GALT: variants seen among roughly 807,000 people sequenced by gnomAD.
GALT encodes UDP-glucose--hexose-1-phosphate uridylyltransferase.
A neutral mutation model predicts 55.4 loss-of-function variants in GALT; 42 were observed. The observed-to-expected ratio is 0.76, with a 90% CI of 0.59 to 0.98. GALT has a LOEUF of 0.98. GALT is among the 50% of genes least tolerant of loss of function. GALT has a pLI of 0.00. For missense variants in GALT, 407 were observed against 495.7 expected (o/e 0.82, Z 1.70); for synonymous variants, 154 against 181.5 (o/e 0.85, Z 1.22).
intron 9 of GALT, 83 bp from the exon 10 acceptor site, chr9:34,649,326 AC>A (rs1205385669): frequency 6.4e-7 from 1 of 1,560,882 alleles, no homozygotes; most frequent in East Asian, 2.2e-5. Flanking sequence ...GTTTTCAGAT[AC>A]CTGGTTGGGT....
chr9:34,647,395 C>A lies in GALT; in HGVS notation c.253-97C>A. 6.4e-7 allele frequency: 1 copy of A among 1,567,988 alleles called. No individual in the cohort carries two copies. On this transcript the variant is annotated intron_variant, in intron 2 of 10. Transcript: ENST00000378842. This position sits in a 1 kb window ranked among gnomAD's most constrained non-coding sequence, Gnocchi z 5.6. ...AAGCTTTTTGGTCCCCTAGGGTGGG[C>A]CTTCCCTACTCCCTTGTAGCCTGTC...
Position 34,648,324 on chromosome 9 carries a change from C to T in GALT, c.565-10C>T, listed in dbSNP as rs778835377. 6.2e-7 allele frequency: 1 copy of T among 1,614,100 alleles called. No homozygotes were observed. The highest frequency in any genetic ancestry group is 8.5e-7 in the Non-Finnish European group (1 of 1,180,038). ...CCTGCCTGTTCTTCTCTGCTTTTGC[C>T]CCTTGACAGGTATGGGCCAGCAGTT... is the stretch of plus-strand genomic sequence containing the variant. On this transcript the variant is annotated splice_polypyrimidine_tract_variant and intron_variant, in intron 6 of 10. Transcript: ENST00000378842. The surrounding 1 kb of genome is among the most constrained non-coding windows in gnomAD (Gnocchi z 4.9).
Position 34,647,183 on chromosome 9 carries a change from C to T in GALT, c.177C>T (p.Pro59=). 1 of 1,614,168 alleles carries T rather than the reference C, an allele frequency of 6.2e-7. No homozygotes were observed. The highest frequency in any genetic ancestry group is 1.7e-5 in the Admixed American group (1 of 60,028). The change falls in exon 2 of 11, where the codon CCC becomes CCT. Residue 59 remains proline (P), a synonymous_variant. Coordinates refer to ENST00000378842, the MANE Select transcript of GALT (RefSeq NM_000155.4). The surrounding 1 kb of genome is among the most constrained non-coding windows in gnomAD (Gnocchi z 5.6). ...MKRPWQGQVE[P]QLLKTVPRHD... ...GGCCCTGGCAGGGTCAAGTGGAGCC[C>T]CAGCTTCTGAAGACAGTGCCCCGCC...
rs56121779 is a variant in GALT at position 34,650,282 on chromosome 9, C to CAAA, written c.1060-73_1060-71dup. ...TGGGCAACAGAGCAAGACCTCGTCT[C>CAAA]AAAAAAAAAAAAAAAATGAAGTCCA... On this transcript the variant is annotated intron_variant, in intron 10 of 10. Transcript: ENST00000378842. 760 of 577,460 alleles carry CAAA rather than the reference C, an allele frequency of 1.3e-3. 8 individuals carry two copies. Among genetic ancestry groups the CAAA allele is most frequent in the South Asian group, 1.5e-3 (79 of 53,010 alleles). The allele number at this position is 577,460 out of a possible 1,614,324, so 35.8% of individuals were successfully genotyped here. A position where few individuals can be genotyped will look rare whatever the true frequency, so the allele number is the denominator to read the frequency against.
At chr9:34,649,324 A>G in intron 9 of GALT, 86 bp from the exon 10 acceptor site, 1 of 1,557,698 alleles carries the variant, frequency 6.4e-7, no homozygotes, top group Non-Finnish European at 8.8e-7. Context: ...TAGTTTTCAG[A>G]TACCTGGTTG....
Position 34,647,929 on chromosome 9 carries a change from G to A in GALT, c.475G>A (p.Glu159Lys). ...AVVDAWASVT[E>K]ELGAQYPWVQ... ...TGTTGATGCATGGGCCTCAGTCACA[G>A]AGGAGCTGGGTGCCCAGTACCCTTG... Residue 159 changes from glutamate (E) to lysine (K), a missense_variant, in exon 5 of 11, where the codon GAG becomes AAG. Transcript: ENST00000378842. The surrounding 1 kb of genome is among the most constrained non-coding windows in gnomAD (Gnocchi z 5.6). The A allele has an allele frequency of 1.2e-6, 2 of 1,614,250 alleles. No homozygotes were observed. The highest frequency in any genetic ancestry group is 1.7e-6 in the Non-Finnish European group (2 of 1,180,052).
chr9:34,648,056 C>T lies in GALT; in HGVS notation c.508-59C>T, dbSNP rs1409863382. On this transcript the variant is annotated intron_variant, in intron 5 of 10. Transcript: ENST00000378842. The surrounding 1 kb of genome is among the most constrained non-coding windows in gnomAD (Gnocchi z 4.9). Reference sequence around the variant, plus strand: ...CATTTCTGTTTCCACAGGGTGTGGTCAGGAGGGAGTTGACTTGGTGTCTTT... The same window carrying T: ...CATTTCTGTTTCCACAGGGTGTGGTTAGGAGGGAGTTGACTTGGTGTCTTT... 8 of 1,613,978 alleles carry T rather than the reference C, an allele frequency of 5.0e-6. No individual in the cohort carries two copies. In the Admixed American group the frequency reaches 1.3e-4, roughly 27 times the overall value.
chr9:34,649,142 G>T lies in GALT; in HGVS notation c.904+61G>T, dbSNP rs189334654. 2.3e-3 allele frequency: 3,465 copies of T among 1,526,170 alleles called. 10 individuals are homozygous for T. Among genetic ancestry groups the T allele is most frequent in the Non-Finnish European group, 2.3e-3 (2,566 of 1,100,708 alleles). 94.5% of individuals were successfully genotyped at this position (1,526,170 alleles called of 1,614,324 possible). On this transcript the variant is annotated intron_variant, in intron 9 of 10. Transcript: ENST00000378842. Reference sequence around the variant, plus strand: ...ACCATTTCTGGGCTCCTGGGGCTCAGCCTAGTGAACTGCAACCTCAAAGGA... The same window carrying T: ...ACCATTTCTGGGCTCCTGGGGCTCATCCTAGTGAACTGCAACCTCAAAGGA...
In GALT at chr9:34,650,444, G is replaced by T. The variant is rs780064274; in HGVS notation, c.1135G>T (p.Ala379Ser). 3 of 1,613,790 alleles carry T rather than the reference G, an allele frequency of 1.9e-6. No homozygotes were observed. Among genetic ancestry groups the T allele is most frequent in the Non-Finnish European group, 2.5e-6 (3 of 1,179,954 alleles). ...GAAGGACAGGGAGACAGCAACCATC[G>T]CCTGACCACGCCGACCACAGGGCCT... ...GQKDRETATI[A>S] The change falls in exon 11 of 11, where the codon GCC (alanine) becomes TCC (serine). Residue 379 changes from alanine (A) to serine (S), a missense_variant. By Grantham distance (99) the Ala-to-Ser change is moderately conservative. Coordinates refer to ENST00000378842, the MANE Select transcript of GALT (RefSeq NM_000155.4).
In GALT at chr9:34,650,531, C is replaced by T. The variant is rs777190804; in HGVS notation, c.*82C>T. Reference sequence around the variant, plus strand: ...AAGCAGAAAGGGCCTTGAATCCTGGCCTGGAATTTGGGCAGATATAGCATT... The same window carrying T: ...AAGCAGAAAGGGCCTTGAATCCTGGTCTGGAATTTGGGCAGATATAGCATT... On this transcript the variant is annotated 3_prime_UTR_variant, in exon 11 of 11. Transcript: ENST00000378842. The T allele has an allele frequency of 1.4e-5, 19 of 1,320,498 alleles. No individual in the cohort carries two copies. Among genetic ancestry groups the T allele is most frequent in the Non-Finnish European group, 2.0e-5 (18 of 919,290 alleles). 81.8% of individuals were successfully genotyped at this position (1,320,498 alleles called of 1,614,324 possible).
intron 10 of GALT, 30 bp downstream of exon 10, chr9:34,649,594 A>G (rs201332367): frequency 1.9e-5 from 31 of 1,613,230 alleles, no homozygotes; most frequent in Non-Finnish European, 2.6e-5. Flanking sequence ...TGGCGTCTCC[A>G]GACTCTCACA....
Position 34,650,397 on chromosome 9 carries a change from A to C in GALT, c.1088A>C (p.Glu363Ala). 2 of 1,613,796 alleles carry C rather than the reference A, an allele frequency of 1.2e-6. No homozygotes were observed. The highest frequency in any genetic ancestry group is 8.5e-7 in the Non-Finnish European group (1 of 1,179,980). ...GCAGAGAGACTAAGGGCACTTCCTG[A>C]GGTTCATTACCACCTGGGGCAGAAG... Reference protein sequence around the residue: ...QAAERLRALPEVHYHLGQKDR... With the variant: ...QAAERLRALPAVHYHLGQKDR... Residue 363 changes from glutamate to alanine, a missense_variant, in exon 11 of 11, where the codon GAG becomes GCG. Glu to Ala is a moderately radical substitution (Grantham distance 107). Transcript: ENST00000378842.
Position 34,647,181 on chromosome 9 carries a change from C to G in GALT, c.175C>G (p.Pro59Ala), listed in dbSNP as rs755200200. The change falls in exon 2 of 11, where the codon CCC becomes GCC. Residue 59 changes from proline (P) to alanine (A), a missense_variant. By Grantham distance (27) the Pro-to-Ala change is conservative. Coordinates refer to ENST00000378842, the MANE Select transcript of GALT (RefSeq NM_000155.4). The surrounding 1 kb of genome is among the most constrained non-coding windows in gnomAD (Gnocchi z 5.6). ...GCGGCCCTGGCAGGGTCAAGTGGAG[C>G]CCCAGCTTCTGAAGACAGTGCCCCG... is the stretch of plus-strand genomic sequence containing the variant. Reference protein sequence around the residue: ...MKRPWQGQVEPQLLKTVPRHD... With the variant: ...MKRPWQGQVEAQLLKTVPRHD... The G allele has an allele frequency of 6.2e-7, 1 of 1,614,146 alleles. No homozygotes were observed. Among genetic ancestry groups the G allele is most frequent in the African/African-American group, 1.3e-5 (1 of 75,054 alleles).
intron 9 of GALT, 37 bp downstream of exon 9, chr9:34,649,118 C>G: frequency 6.3e-7 from 1 of 1,581,260 alleles, no homozygotes; most frequent in South Asian, 1.1e-5. Context: ...AGCCCCAACA[C>G]CATTTCTGGG....
chr9:34,647,258 G>A lies in GALT; in HGVS notation c.252G>A (p.Glu84=), dbSNP rs748732979. ...CTGGGGCCATCCGAGCCAACGGAGA[G>A]GTAAGCCTGTAGAGCCCTGCATCTG... ...LCPGAIRANG[E]VNPQYDSTFL... The change falls in exon 2 of 11, where the codon GAG becomes GAA. Residue 84 remains glutamate, a splice_region_variant and synonymous_variant. Coordinates refer to ENST00000378842, the MANE Select transcript of GALT (RefSeq NM_000155.4). This position sits in a 1 kb window ranked among gnomAD's most constrained non-coding sequence, Gnocchi z 5.6. 9 of 1,613,986 alleles carry A rather than the reference G, an allele frequency of 5.6e-6. No individual in the cohort carries two copies. Among genetic ancestry groups the A allele is most frequent in the African/African-American group, 1.3e-5 (1 of 74,944 alleles).
intron 9 of GALT, 33 bp downstream of exon 9, chr9:34,649,114 A>T: frequency 1.9e-6 from 3 of 1,595,618 alleles, no homozygotes; most frequent in Non-Finnish European, 1.7e-6. Flanking sequence ...ATTTAGCCCC[A>T]ACACCATTTC....
chr9:34,648,753 T>A lies in GALT; in HGVS notation c.688-9T>A. The A allele has an allele frequency of 6.2e-7, 1 of 1,612,964 alleles. No individual in the cohort carries two copies. Among genetic ancestry groups the A allele is most frequent in the Non-Finnish European group, 8.5e-7 (1 of 1,179,960 alleles). On this transcript the variant is annotated splice_polypyrimidine_tract_variant and intron_variant, in intron 7 of 10. Coordinates refer to ENST00000378842, the MANE Select transcript of GALT (RefSeq NM_000155.4). This position sits in a 1 kb window ranked among gnomAD's most constrained non-coding sequence, Gnocchi z 4.9. ...CCTTGATGACTTCCTATCCATTCTG[T>A]CTTCCTAGGAACGTCTGGTCCTAAC...
rs764881678 is a variant in GALT, at chr9:34,649,377, C to G, written c.905-33C>G. 18 of 1,613,804 alleles carry G rather than the reference C, an allele frequency of 1.1e-5. No homozygotes were observed. The East Asian group carries it at 2.0e-4, about 18-fold the overall frequency. ...TAACCTGGATAACTGTAAAAGGGCT[C>G]TCTCTCCCCACTGTCTCTCTTCTTT... On this transcript the variant is annotated intron_variant, in intron 9 of 10. Transcript: ENST00000378842.
rs1314508018 is a variant in GALT, at chr9:34,647,335, G to C, written c.252+77G>C. On this transcript the variant is annotated intron_variant, in intron 2 of 10. Coordinates refer to ENST00000378842, the MANE Select transcript of GALT (RefSeq NM_000155.4). This position sits in a 1 kb window ranked among gnomAD's most constrained non-coding sequence, Gnocchi z 5.6. ...CTCTTAGAACTGTCCTCCACCCACA[G>C]GGATAGTGAACCTCCTTCTGGGTCA... 1 of 1,603,878 alleles carries C rather than the reference G, an allele frequency of 6.2e-7. No homozygotes were observed. Among genetic ancestry groups the C allele is most frequent in the Admixed American group, 1.7e-5 (1 of 59,774 alleles).
Sources: allele counts gnomAD v4.1 joint callset, GRCh38; gene constraint gnomAD v4.1.1; non-coding constraint Gnocchi (gnomAD v3.1); transcripts MANE v1.5; gene names NCBI Gene and HGNC (gene_info 2026-07-23, HGNC 2026-07-21).